The following RELN variants were observed in gnomAD, a reference collection of about 807,000 sequenced individuals.
The protein encoded by RELN is reelin.
A neutral mutation model predicts 427.6 loss-of-function variants in RELN; 108 were observed. That is an observed-to-expected ratio of 0.25 (90% CI 0.22 to 0.30). The LOEUF is 0.30. Ranked by LOEUF, RELN falls within the 10% of genes least tolerant of loss-of-function variation. RELN has a pLI of 1.00. For synonymous variants in RELN, 1,524 were observed against 1,513.4 expected (o/e 1.01, Z -0.16); for missense variants, 3,715 against 4,302.8 (o/e 0.86, Z 3.82).
chr7:103,885,041 T>C (rs1212831005), intron 2 of RELN, among the ~76,000 whole-genome samples: 2 of 152,134 alleles, frequency 1.3e-5, no homozygotes, highest in African/African-American at 4.8e-5. Context: ...CAAATGCTCA[T>C]CAATGATAGA....
At chr7:103,524,140 G>C (rs1447283216) in intron 46 of RELN, among the ~76,000 whole-genome samples, 23 of 152,184 alleles carry the variant, frequency 1.5e-4, no homozygotes, top group Non-Finnish European at 3.4e-4. Context: ...AGCCTCAGGG[G>C]AGCTGTGAGC....
Position 103,565,305 on chromosome 7 carries a change from A to G in RELN, c.5183T>C (p.Ile1728Thr). Residue 1728 changes from isoleucine to threonine, a missense_variant, in exon 34 of 65, where the codon ATC becomes ACC. Ile to Thr is a moderately conservative substitution (Grantham distance 89). This residue lies in a region of RELN where 2,208 missense variants were observed against 2,361.7 expected (regional missense o/e 0.93). Coordinates refer to ENST00000428762, the MANE Select transcript of RELN (RefSeq NM_005045.4). The stretch of plus-strand genomic sequence containing the variant: ...GGTGGAGAGTGGAAGGTAGACAGTG[A>G]TCCGCTTCCAATTCTGGAATCTTTC... ...TSERFQNWKR[I>T]TVYLPLSTIS... is the part of the protein sequence containing the mutation. 6.2e-7 allele frequency: 1 copy of G among 1,614,180 alleles called. No homozygotes were observed. Among genetic ancestry groups the G allele is most frequent in the African/African-American group, 1.3e-5 (1 of 75,056 alleles).
intron 20 of RELN, among the ~76,000 whole-genome samples, chr7:103,613,165 A>G (rs544158826): frequency 6.6e-6 from 1 of 152,332 alleles, no homozygotes; most frequent in South Asian, 2.1e-4. Context: ...AACAGATGAG[A>G]AAATGGGGCT....
At chr7:103,855,749 G>C (rs1298548708) in intron 2 of RELN, among the ~76,000 whole-genome samples, 1 of 152,068 alleles carries the variant, frequency 6.6e-6, no homozygotes, top group African/African-American at 2.4e-5. Context: ...CTCTCTCCTA[G>C]CTTCTGGCAG....
chr7:103,742,926 T>A (rs1221371656), intron 6 of RELN, among the ~76,000 whole-genome samples: 1 of 151,716 alleles, frequency 6.6e-6, no homozygotes, highest in Non-Finnish European at 1.5e-5. Context: ...ACAAAGATAC[T>A]CCTCGAGAAG....
chr7:103,503,610 A>C (rs972583873), intron 51 of RELN, among the ~76,000 whole-genome samples: 7 of 152,302 alleles, frequency 4.6e-5, no homozygotes, highest in African/African-American at 1.7e-4. Context: ...TACCAATTTT[A>C]CTATTTTGTT....
chr7:103,933,488 A>G (rs949264211), intron 1 of RELN, among the ~76,000 whole-genome samples: 35 of 130,808 alleles, frequency 2.7e-4, no homozygotes, highest in Non-Finnish European at 4.6e-4. Flanking sequence ...TGAGCCCAGG[A>G]GAAAGGAAGG....
chr7:103,643,916 T>G lies in RELN; in HGVS notation c.2003-3307A>C, dbSNP rs75744317. 2.4e-4 allele frequency among the ~76,000 whole-genome samples: 37 copies of G among 151,978 alleles called. No individual in the cohort carries two copies. The East Asian group carries it at 7.0e-3, about 29-fold the overall frequency. ...GCCATGCCTGACTACCAAAAACATT[T>G]AAAAAGAGTAGGTTGAAAATTATTG... On this transcript the variant is annotated intron_variant, in intron 16 of 64. Transcript: ENST00000428762.
chr7:103,986,539 A>G (rs1458237070), intron 1 of RELN, among the ~76,000 whole-genome samples: 1 of 150,892 alleles, frequency 6.6e-6, no homozygotes, highest in African/African-American at 2.4e-5. Context: ...CACACACCCC[A>G]GTGTCAGAGG....
intron 9 of RELN, 116 bp from the exon 10 acceptor site, chr7:103,698,209 G>T: frequency 7.9e-7 from 1 of 1,260,312 alleles, no homozygotes; most frequent in Non-Finnish European, 1.1e-6. Flanking sequence ...ATTTATTACA[G>T]ATAAAATAGC....
chr7:103,641,725 C>G (rs1168660297), intron 16 of RELN, among the ~76,000 whole-genome samples: 1 of 152,216 alleles, frequency 6.6e-6, no homozygotes, highest in East Asian at 1.9e-4. Context: ...TAATCAGCAC[C>G]ATACTGAGGT....
At chr7:103,543,419 G>A (rs1435429852) in intron 42 of RELN, among the ~76,000 whole-genome samples, 1 of 152,210 alleles carries the variant, frequency 6.6e-6, no homozygotes, top group African/African-American at 2.4e-5. Flanking sequence ...GCCGAGGCAG[G>A]TGGATCACCT....
chr7:103,733,333 C>T (rs1790403502), intron 6 of RELN, among the ~76,000 whole-genome samples: 1 of 149,174 alleles, frequency 6.7e-6, no homozygotes, highest in Non-Finnish European at 1.5e-5. Flanking sequence ...CACTTTTACA[C>T]TGTAGGTGGG....
chr7:103,819,128 C>CAATA (rs1192132453), intron 3 of RELN, among the ~76,000 whole-genome samples: 1 of 151,932 alleles, frequency 6.6e-6, no homozygotes, highest in Admixed American at 6.6e-5. Context: ...ATTTGCTTAG[C>CAATA]TGTATTTTTA....
intron 51 of RELN, among the ~76,000 whole-genome samples, chr7:103,510,447 T>G (rs1285626641): frequency 6.6e-6 from 1 of 152,018 alleles, no homozygotes; most frequent in Non-Finnish European, 1.5e-5. Flanking sequence ...TGAGAACACA[T>G]CGCCACAGGG....
At chr7:103,571,236 A>G (rs144336227) in intron 31 of RELN, among the ~76,000 whole-genome samples, 10 of 152,274 alleles carry the variant, frequency 6.6e-5, no homozygotes, top group Admixed American at 2.0e-4. Flanking sequence ...AGAAGGTGCA[A>G]ACTCTTTACA....
At position 103,563,455 on chromosome 7, in the gene RELN, C is replaced by T. The variant is rs1269899028; in HGVS notation, c.5211-1502G>A. 6.6e-6 allele frequency among the ~76,000 whole-genome samples: 1 copy of T among 152,118 alleles called. No individual in the cohort carries two copies. The highest frequency in any genetic ancestry group is 1.5e-5 in the Non-Finnish European group (1 of 68,006). Reference sequence around the variant, plus strand: ...TTACAGAATAACGATAGAAAGAAAACATTTTTGTACAGCTGTACAATGTGC... The same window carrying T: ...TTACAGAATAACGATAGAAAGAAAATATTTTTGTACAGCTGTACAATGTGC... On this transcript the variant is annotated intron_variant, in intron 34 of 64. Transcript: ENST00000428762. The surrounding 1 kb of genome is among the most constrained non-coding windows in gnomAD (Gnocchi z 4.1).
In RELN at chr7:103,486,248, C is replaced by T; in HGVS notation, c.9932G>A (p.Gly3311Asp). The change falls in exon 61 of 65, where the codon GGC (glycine) becomes GAC (aspartate). Residue 3311 changes from glycine (G) to aspartate (D), a missense_variant. Physicochemically the swap from Gly to Asp is moderately conservative, Grantham distance 94. This residue lies in a region of RELN where 195 missense variants were observed against 281.3 expected (regional missense o/e 0.69). Transcript: ENST00000428762. ...YAHGDSLYFN[G>D]CQIRQAATKP... ...GGTAGCTGCTTGCCTGATCTGACAGCCATTAAAGTACAGTGAGTCTCCATG... is the reference window on the plus strand; with the variant it reads ...GGTAGCTGCTTGCCTGATCTGACAGTCATTAAAGTACAGTGAGTCTCCATG... 1 of 1,614,060 alleles carries T rather than the reference C, an allele frequency of 6.2e-7. No individual in the cohort carries two copies. The highest frequency in any genetic ancestry group is 8.5e-7 in the Non-Finnish European group (1 of 1,180,018).
chr7:103,491,928 T>A (rs1361894564), intron 58 of RELN, 25 bp downstream of exon 58: 1 of 1,548,264 alleles, frequency 6.5e-7, no homozygotes, highest in Admixed American at 1.7e-5. Context: ...AGTTTGAAGA[T>A]AATGTTAAAA....
Sources: allele counts gnomAD v4.1 joint callset (sites outside exome capture counted in the v4.1 genomes callset), GRCh38; gene constraint gnomAD v4.1.1; regional missense constraint gnomAD v4.1.1; non-coding constraint Gnocchi (gnomAD v3.1); transcripts MANE v1.5; gene names NCBI Gene and HGNC (gene_info 2026-07-23, HGNC 2026-07-21).